Variants in SLC25A24 observed in about 807,000 individuals in gnomAD.
SLC25A24 encodes the protein mitochondrial adenyl nucleotide antiporter SLC25A24.
Under a neutral mutation model 60.7 loss-of-function variants are expected in SLC25A24, and 49 were observed. That is an observed-to-expected ratio of 0.81 (90% confidence interval 0.64 to 1.02). The LOEUF is 1.02. SLC25A24 is among the 50% of genes least tolerant of loss of function. SLC25A24 has a pLI of 0.00. For synonymous variants in SLC25A24, 202 were observed against 200.6 expected (o/e 1.01, Z -0.06); for missense variants, 564 against 586.3 (o/e 0.96, Z 0.39).
chr1:108,167,305 G>A (rs1413113167), intron 3 of SLC25A24, among the ~76,000 whole-genome samples: 1 of 151,964 alleles, frequency 6.6e-6, no homozygotes, highest in Non-Finnish European at 1.5e-5. Flanking sequence ...TCCTTGAGCT[G>A]TGGTGGGCTC....
chr1:108,146,629 G>T (rs1365729804), intron 7 of SLC25A24, among the ~76,000 whole-genome samples: 1 of 152,148 alleles, frequency 6.6e-6, no homozygotes, highest in Non-Finnish European at 1.5e-5. Context: ...ACATGAAGTG[G>T]TGTTGAATTT....
At chr1:108,157,183 C>T (rs1055281719) in intron 5 of SLC25A24, among the ~76,000 whole-genome samples, 4 of 152,126 alleles carry the variant, frequency 2.6e-5, no homozygotes, top group Non-Finnish European at 5.9e-5. Context: ...GAGAATCCTA[C>T]AACAATAGCT....
At chr1:108,171,170 G>C (rs1369211437) in intron 3 of SLC25A24, among the ~76,000 whole-genome samples, 2 of 151,078 alleles carry the variant, frequency 1.3e-5, no homozygotes, top group East Asian at 3.9e-4. Flanking sequence ...TTTCCCCCCT[G>C]ATTTGGAAGT....
At position 108,136,831 on chromosome 1, in the gene SLC25A24, A is replaced by G. The variant is rs1679303527; in HGVS notation, c.1256T>C (p.Leu419Ser). The G allele has an allele frequency of 1.9e-6, 3 of 1,612,426 alleles. No individual in the cohort carries two copies. The highest frequency in any genetic ancestry group is 2.5e-6 in the Non-Finnish European group (3 of 1,179,458). Reference sequence around the variant, plus strand: ...CATATTCAGCTGTGGGGAACCTTCTAACATGGCTAAAAAATAAAAAAAGAG... The same window carrying G: ...CATATTCAGCTGTGGGGAACCTTCTGACATGGCTAAAAAATAAAAAAAGAG... ...VRTRMQAQAM[L>S]EGSPQLNMVG... Residue 419 changes from leucine to serine, a missense_variant, in exon 10 of 10, where the codon TTA (leucine) becomes TCA (serine). By Grantham distance (145) the Leu-to-Ser change is moderately radical (BLOSUM62 -2). Transcript: ENST00000565488.
At chr1:108,190,855 G>A (rs1369577885) in intron 1 of SLC25A24, among the ~76,000 whole-genome samples, 1 of 138,564 alleles carries the variant, frequency 7.2e-6, no homozygotes, top group Non-Finnish European at 1.6e-5. Context: ...AGAATGTTCT[G>A]TGTGGTTGGT....
intron 3 of SLC25A24, among the ~76,000 whole-genome samples, chr1:108,167,765 G>A (rs367615252): frequency 1.4e-4 from 21 of 152,328 alleles, no homozygotes; most frequent in East Asian, 3.9e-4. Flanking sequence ...CGTCGCTCAC[G>A]CTGGGAGCTG....
intron 4 of SLC25A24, among the ~76,000 whole-genome samples, chr1:108,158,473 C>T (rs986433496): frequency 6.6e-6 from 1 of 151,834 alleles, no homozygotes; most frequent in African/African-American, 2.4e-5. Flanking sequence ...TAAAAAATAC[C>T]GTAAGAATTA....
intron 8 of SLC25A24, among the ~76,000 whole-genome samples, chr1:108,142,768 T>C (rs1421517472): frequency 6.6e-6 from 1 of 152,202 alleles, no homozygotes; most frequent in African/African-American, 2.4e-5. Context: ...TGGCAAATTT[T>C]ATATTTTATA....
chr1:108,184,177 T>C (rs1462169320), intron 2 of SLC25A24, among the ~76,000 whole-genome samples: 2 of 152,240 alleles, frequency 1.3e-5, no homozygotes, highest in Non-Finnish European at 2.9e-5. Flanking sequence ...TCATTTAGAA[T>C]TTTATAAAAT....
At position 108,157,576 on chromosome 1, in the gene SLC25A24, C is replaced by T. The variant is rs946836375; in HGVS notation, c.555G>A (p.Thr185=). The part of the protein sequence containing the change: ...GDSLTIPDEF[T]EDEKKSGQWW... Reference sequence around the variant, plus strand: ...ATTGTCCGGATTTTTTTTCGTCTTCCGTGAATTCATCTGGAATAGTTAAGC... The same window carrying T: ...ATTGTCCGGATTTTTTTTCGTCTTCTGTGAATTCATCTGGAATAGTTAAGC... Residue 185 remains threonine (T), a synonymous_variant, in exon 5 of 10, where the codon ACG becomes ACA. Transcript: ENST00000565488. 1.2e-6 allele frequency: 2 copies of T among 1,613,876 alleles called. No individual in the cohort carries two copies. Among genetic ancestry groups the T allele is most frequent in the African/African-American group, 2.7e-5 (2 of 74,870 alleles).
chr1:108,173,053 G>A (rs1009927106), intron 3 of SLC25A24, among the ~76,000 whole-genome samples: 1 of 152,148 alleles, frequency 6.6e-6, no homozygotes, highest in East Asian at 1.9e-4. Flanking sequence ...CAGAAACAAT[G>A]GATGGTTAAA....
At chr1:108,194,179 T>C (rs1648426291) in intron 1 of SLC25A24, among the ~76,000 whole-genome samples, 1 of 138,600 alleles carries the variant, frequency 7.2e-6, no homozygotes, top group South Asian at 2.8e-4. Flanking sequence ...CTTGAAATAC[T>C]CATAGGTTTC....
At chr1:108,196,709 A>G (rs1002504127) in intron 1 of SLC25A24, among the ~76,000 whole-genome samples, 2 of 152,222 alleles carry the variant, frequency 1.3e-5, no homozygotes, top group African/African-American at 4.8e-5. Context: ...TCCATGGACC[A>G]CTGTTTTCTC....
intron 1 of SLC25A24, 41 bp from the exon 2 acceptor site, chr1:108,185,995 C>G: frequency 6.9e-7 from 1 of 1,439,334 alleles, no homozygotes; most frequent in Non-Finnish European, 9.5e-7. Context: ...CCAATATGGG[C>G]TGATGCACTA....
rs5776929 is a variant in SLC25A24, at chr1:108,154,089, T to TG, written c.822+893dup. On this transcript the variant is annotated intron_variant, in intron 6 of 9. Transcript: ENST00000565488. Reference sequence around the variant, plus strand: ...TTTTCTTTAATTTTTTTTTTTTTTTTGCTTCTCTATTTCCTAGGCAAAGAA... The same window carrying TG: ...TTTTCTTTAATTTTTTTTTTTTTTTTGGCTTCTCTATTTCCTAGGCAAAGAA... Among the ~76,000 whole-genome samples the TG allele has an allele frequency of 2.8e-3, 417 of 148,932 alleles. 3 individuals carry two copies. Among genetic ancestry groups the TG allele is most frequent in the Non-Finnish European group, 4.2e-3 (278 of 66,958 alleles).
chr1:108,159,016 A>G (rs913822592), intron 4 of SLC25A24, among the ~76,000 whole-genome samples: 2 of 152,100 alleles, frequency 1.3e-5, no homozygotes, highest in African/African-American at 4.8e-5. Context: ...AAAACAAAAC[A>G]AAAACAAAAA....
chr1:108,162,487 T>C (rs1171658947), intron 3 of SLC25A24, among the ~76,000 whole-genome samples: 5 of 149,648 alleles, frequency 3.3e-5, no homozygotes, highest in Admixed American at 6.6e-5. Context: ...ATTGCCATTC[T>C]AACTGGTGTG....
chr1:108,184,907 T>C (rs1648064141), intron 2 of SLC25A24, among the ~76,000 whole-genome samples: 1 of 152,184 alleles, frequency 6.6e-6, no homozygotes, highest in Non-Finnish European at 1.5e-5. Flanking sequence ...TATTCACAAG[T>C]AGGGAGGGAT....
In SLC25A24 at chr1:108,134,546, G is replaced by C. The variant is rs1679228143; in HGVS notation, c.*2107C>G. ...TGAACCCCAGGGCTGTAACTCTAAT[G>C]GGTAAATGTGGAATTTTGATATCAC... On this transcript the variant is annotated 3_prime_UTR_variant, in exon 10 of 10. Coordinates refer to ENST00000565488, the MANE Select transcript of SLC25A24 (RefSeq NM_013386.5). 6.6e-6 allele frequency: 1 copy of C among 152,028 alleles called. No homozygotes were observed. Among genetic ancestry groups the C allele is most frequent in the African/African-American group, 2.4e-5 (1 of 41,366 alleles). The allele number at this position is 152,028 out of a possible 1,614,324, so 9.4% of individuals were successfully genotyped here.
Sources: allele counts gnomAD v4.1 joint callset (sites outside exome capture counted in the v4.1 genomes callset), GRCh38; gene constraint gnomAD v4.1.1; transcripts MANE v1.5; gene names NCBI Gene and HGNC (gene_info 2026-07-23, HGNC 2026-07-21).